Variants in PIGT observed in about 807,000 individuals in gnomAD.
The protein encoded by PIGT is GPI-anchor transamidase component PIGT.
Under a neutral mutation model 66.7 loss-of-function variants are expected in PIGT, and 57 were observed. The observed-to-expected ratio is 0.86, with a 90% CI of 0.69 to 1.07. The LOEUF is 1.07. Ranked by LOEUF, PIGT falls within the 50% of genes least tolerant of loss-of-function variation. The pLI is 0.00. For missense variants in PIGT, 725 were observed against 740.4 expected (o/e 0.98, Z 0.24); for synonymous variants, 362 against 320.5 (o/e 1.13, Z -1.38).
intron 11 of PIGT, 23 bp downstream of exon 11, chr20:45,424,602 A>G (rs1348086252): frequency 3.2e-6 from 5 of 1,584,846 alleles, no homozygotes; most frequent in African/African-American, 2.7e-5. Context: ...ACACTCACTG[A>G]TAACACATCC....
chr20:45,416,814 A>G (rs1257405862), intron 2 of PIGT, 120 bp downstream of exon 2: 3 of 867,118 alleles, frequency 3.5e-6, no homozygotes, highest in African/African-American at 3.4e-5. Context: ...CCATGGGGGT[A>G]GAGCTGGCAT....
intron 1 of PIGT, 64 bp downstream of exon 1, chr20:45,416,407 G>A (rs1989976626): frequency 6.4e-7 from 1 of 1,553,894 alleles, no homozygotes; most frequent in African/African-American, 1.4e-5. Flanking sequence ...CCGGCCGTGG[G>A]ATGAAGGCAA....
chr20:45,418,257 C>T (rs550029047), intron 2 of PIGT: 1 of 171,054 alleles, frequency 5.8e-6, no homozygotes, highest in South Asian at 1.2e-4. Flanking sequence ...ATTGTTTTGC[C>T]CAGCCCAGCA....
intron 5 of PIGT, 25 bp downstream of exon 5, chr20:45,419,615 C>A: frequency 1.3e-6 from 2 of 1,536,306 alleles, no homozygotes; most frequent in Non-Finnish European, 1.8e-6. Context: ...GTAGAGGAAG[C>A]TGCCATCCAG....
chr20:45,425,716 T>C lies in PIGT; in HGVS notation c.1627T>C (p.Phe543Leu), dbSNP rs1990706073. 6.2e-7 allele frequency: 1 copy of C among 1,614,014 alleles called. No individual in the cohort carries two copies. Among genetic ancestry groups the C allele is most frequent in the South Asian group, 1.1e-5 (1 of 91,086 alleles). The change falls in exon 12 of 12, where the codon TTC (phenylalanine) becomes CTC (leucine). Residue 543 changes from phenylalanine (F) to leucine (L), a missense_variant. Coordinates refer to ENST00000279036, the MANE Select transcript of PIGT (RefSeq NM_015937.6). Reference protein sequence around the residue: ...CTVVAVCYGSFYNLLTRTFHI... With the variant: ...CTVVAVCYGSLYNLLTRTFHI... ...TGTGGTGGCCGTGTGCTATGGCTCC[T>C]TCTACAATCTCCTCACCCGAACCTT...
intron 5 of PIGT, 163 bp downstream of exon 5, chr20:45,419,753 A>G: frequency 1.6e-6 from 1 of 640,386 alleles, no homozygotes. Flanking sequence ...GTGGTTGCCT[A>G]GCAAGCACTG....
rs1195049037 is a variant in PIGT at position 45,425,555 on chromosome 20, G to A, written c.1485-19G>A. On this transcript the variant is annotated intron_variant, in intron 11 of 11. Coordinates refer to ENST00000279036, the MANE Select transcript of PIGT (RefSeq NM_015937.6). ...GAGGAGCAGCCAGTCCTGTCTCACC[G>A]CTCTTCCCCTGACCCCAGGTTCCCA... is the stretch of plus-strand genomic sequence containing the variant. 10 of 1,610,002 alleles carry A rather than the reference G, an allele frequency of 6.2e-6. No homozygotes were observed. The highest frequency in any genetic ancestry group is 1.1e-5 in the South Asian group (1 of 90,886).
intron 7 of PIGT, 25 bp from the exon 8 acceptor site, chr20:45,420,503 C>A (rs200855236): frequency 6.2e-7 from 1 of 1,613,440 alleles, no homozygotes. Flanking sequence ...CTGCTTGCTT[C>A]TTAGCCCTGC....
In PIGT at chr20:45,424,565, C is replaced by G; in HGVS notation, c.1470C>G (p.Pro490=). ...AGCCAGTGGACTGGGAAGAGAGTCCCCTCTTCAACAGCCTGTAAGTGTGAC... is the reference window on the plus strand; with the variant it reads ...AGCCAGTGGACTGGGAAGAGAGTCCGCTCTTCAACAGCCTGTAAGTGTGAC... The part of the protein sequence containing the change: ...AAKPVDWEES[P]LFNSLFPVSD... The change falls in exon 11 of 12, where the codon CCC becomes CCG. Residue 490 remains proline, a synonymous_variant. Coordinates refer to ENST00000279036, the MANE Select transcript of PIGT (RefSeq NM_015937.6). 1 of 1,613,594 alleles carries G rather than the reference C, an allele frequency of 6.2e-7. No homozygotes were observed.
intron 2 of PIGT, 102 bp downstream of exon 2, chr20:45,416,796 C>T: frequency 3.8e-6 from 4 of 1,045,480 alleles, no homozygotes; most frequent in Non-Finnish European, 5.4e-6. Flanking sequence ...TTCCAGTAGG[C>T]AGCGATTCCA....
At position 45,416,620 on chromosome 20, in the gene PIGT, A is replaced by G; in HGVS notation, c.291A>G (p.Arg97=). Residue 97 remains arginine, a synonymous_variant, in exon 2 of 12, where the codon CGA becomes CGG. Transcript: ENST00000279036. ...LSFTQGFWRT[R]YWGPPFLQAP... ...TCACACAAGGCTTTTGGAGGACCCG[A>G]TACTGGGGGCCACCCTTCCTGCAGG... 1 of 1,614,138 alleles carries G rather than the reference A, an allele frequency of 6.2e-7. No individual in the cohort carries two copies. Among genetic ancestry groups the G allele is most frequent in the Non-Finnish European group, 8.5e-7 (1 of 1,180,022 alleles).
At chr20:45,416,365 A>G in intron 1 of PIGT, 22 bp downstream of exon 1, 2 of 1,565,038 alleles carry the variant, frequency 1.3e-6, no homozygotes, top group Non-Finnish European at 1.7e-6. Flanking sequence ...AGATCTGACC[A>G]GGGAAAGATT....
chr20:45,424,208 G>A lies in PIGT; in HGVS notation c.1235-8G>A, dbSNP rs1600822595. ...GAAAGAGATGTGGGTGACCTTGCAT[G>A]TCTCCAGGTTACATCCACTACCAGC... On this transcript the variant is annotated splice_polypyrimidine_tract_variant and splice_region_variant and intron_variant, in intron 9 of 11. Transcript: ENST00000279036. 8 of 1,613,756 alleles carry A rather than the reference G, an allele frequency of 5.0e-6. No homozygotes were observed. The highest frequency in any genetic ancestry group is 1.3e-5 in the African/African-American group (1 of 74,910).
chr20:45,420,270 C>A (rs1475652287), intron 6 of PIGT, 47 bp downstream of exon 6: 1 of 1,593,282 alleles, frequency 6.3e-7, no homozygotes, highest in South Asian at 1.1e-5. Flanking sequence ...GCCAGCCCTG[C>A]CTTATCTATG....
intron 9 of PIGT, chr20:45,422,801 A>T (rs1460552365): frequency 6.6e-6 from 1 of 152,218 alleles, no homozygotes; most frequent in African/African-American, 2.4e-5. Flanking sequence ...TAAAAATGTA[A>T]CCGTATCATT....
chr20:45,416,501 G>A lies in PIGT; in HGVS notation c.188-16G>A. ...ACGAGGTGGGGATCGTCACTCACCT[G>A]CTCCCGTTTCCCCAGTGTCCCATTA... On this transcript the variant is annotated splice_polypyrimidine_tract_variant and intron_variant, in intron 1 of 11. Transcript: ENST00000279036. 3 of 1,611,836 alleles carry A rather than the reference G, an allele frequency of 1.9e-6. No individual in the cohort carries two copies. Among genetic ancestry groups the A allele is most frequent in the Non-Finnish European group, 2.5e-6 (3 of 1,178,494 alleles).
chr20:45,420,022 A>C, intron 5 of PIGT, 114 bp from the exon 6 acceptor site: 1 of 760,568 alleles, frequency 1.3e-6, no homozygotes, highest in South Asian at 1.6e-5. Flanking sequence ...GTGGTAGCAA[A>C]TCGATGGATG....
Position 45,421,572 on chromosome 20 carries a change from A to G in PIGT, c.1223A>G (p.Glu408Gly). 2 of 1,614,110 alleles carry G rather than the reference A, an allele frequency of 1.2e-6. No individual in the cohort carries two copies. Among genetic ancestry groups the G allele is most frequent in the Non-Finnish European group, 1.7e-6 (2 of 1,179,996 alleles). The change falls in exon 9 of 12, where the codon GAG becomes GGG. Residue 408 changes from glutamate to glycine, a missense_variant. Glu to Gly is a moderately conservative substitution (Grantham distance 98). Around this residue, in one of 3 missense-constraint regions of PIGT, gnomAD observed 559 missense variants for 552.7 expected, o/e 1.01. Transcript: ENST00000279036. ...HTLTITSKGK[E>G]NKPSYIHYQP... Reference sequence around the variant, plus strand: ...CTCACCATCACCTCCAAGGGCAAGGAGAACAAACCAAGTGAGGACCTGAGT... The same window carrying G: ...CTCACCATCACCTCCAAGGGCAAGGGGAACAAACCAAGTGAGGACCTGAGT...
At position 45,419,270 on chromosome 20, in the gene PIGT, CCAGA is replaced by C. The variant is rs767041742; in HGVS notation, c.494-19_494-16del. 3.2e-6 allele frequency: 5 copies of C among 1,586,818 alleles called. No homozygotes were observed. The African/African-American group carries it at 6.7e-5, about 21-fold the overall frequency. On this transcript the variant is annotated intron_variant, in intron 3 of 11. Transcript: ENST00000279036. ...GAGGGGTCAGAGCCCAAGGCCCACC[CCAGA>C]CAGACCTCTGTCTCCCTCAGACACT...
Sources: allele counts gnomAD v4.1 joint callset, GRCh38; gene constraint gnomAD v4.1.1; regional missense constraint gnomAD v4.1.1; transcripts MANE v1.5; gene names NCBI Gene and HGNC (gene_info 2026-07-23, HGNC 2026-07-21).